Variants in PPP1R12B observed in about 807,000 individuals in gnomAD.
PPP1R12B encodes myosin phosphatase target subunit 2.
In PPP1R12B, 76 loss-of-function variants were observed where a neutral mutation model predicts 126.1. That is an observed-to-expected ratio of 0.60 (90% confidence interval 0.50 to 0.73). The LOEUF (loss-of-function observed/expected upper bound fraction) is 0.73. Ranked by LOEUF, PPP1R12B falls within the 30% of genes least tolerant of loss-of-function variation. The probability of loss-of-function intolerance (pLI) is 0.00; values close to 1 mark genes in which losing one functional copy is unlikely to be tolerated. For missense variants in PPP1R12B, 1,052 were observed against 1,205.1 expected (o/e 0.87, Z 1.88); for synonymous variants, 356 against 434.7 (o/e 0.82, Z 2.25).
chr1:202,588,508 TATG>T lies in PPP1R12B; in HGVS notation c.*7952_*7954del, dbSNP rs1180614867. 1 of 152,664 alleles carries T rather than the reference TATG, an allele frequency of 6.6e-6. No homozygotes were observed. Among genetic ancestry groups the T allele is most frequent in the East Asian group, 1.9e-4 (1 of 5,202 alleles). 9.5% of individuals were successfully genotyped at this position (152,664 alleles called of 1,614,324 possible). A position where few individuals can be genotyped will look rare whatever the true frequency, so the allele number is the denominator to read the frequency against. ...TTGGGAATAATAATATTCACTTCTA[TATG>T]ATGCCTGTAAACACAACAGTATTTA... is the stretch of plus-strand genomic sequence containing the variant. On this transcript the variant is annotated 3_prime_UTR_variant, in exon 24 of 24. Coordinates refer to ENST00000608999, the MANE Select transcript of PPP1R12B (RefSeq NM_002481.4).
At chr1:202,573,660 G>A (rs1328262290) in intron 23 of PPP1R12B, among the ~76,000 whole-genome samples, 1 of 152,186 alleles carries the variant, frequency 6.6e-6, no homozygotes, top group Non-Finnish European at 1.5e-5. Context: ...AGGAAGGACA[G>A]TAGCAGAGTC....
chr1:202,496,031 G>A (rs1419066706), intron 17 of PPP1R12B, among the ~76,000 whole-genome samples: 1 of 152,210 alleles, frequency 6.6e-6, no homozygotes, highest in Non-Finnish European at 1.5e-5. Flanking sequence ...ATGTCATGTA[G>A]TGAGTCAACA....
chr1:202,418,958 C>T (rs528754662), intron 2 of PPP1R12B, among the ~76,000 whole-genome samples: 132 of 152,020 alleles, frequency 8.7e-4, no homozygotes, highest in Non-Finnish European at 1.5e-3. Context: ...GCTCTTATTC[C>T]CAGAATCACT....
intron 12 of PPP1R12B, 78 bp from the exon 13 acceptor site, chr1:202,448,911 C>T: frequency 2.8e-6 from 4 of 1,446,676 alleles, no homozygotes; most frequent in Non-Finnish European, 3.8e-6. Flanking sequence ...CTCTTTAATC[C>T]TTCTGTCTCT....
chr1:202,412,367 G>A (rs1667506047), intron 1 of PPP1R12B, among the ~76,000 whole-genome samples: 1 of 152,190 alleles, frequency 6.6e-6, no homozygotes, highest in African/African-American at 2.4e-5. Context: ...GTAGTGATGA[G>A]GTGAAGGAGA....
At chr1:202,571,594 G>A (rs1388495658) in intron 23 of PPP1R12B, among the ~76,000 whole-genome samples, 1 of 152,202 alleles carries the variant, frequency 6.6e-6, no homozygotes, top group Non-Finnish European at 1.5e-5. Flanking sequence ...GCTGGGACTA[G>A]TAGTGTGTGC....
intron 11 of PPP1R12B, among the ~76,000 whole-genome samples, chr1:202,441,792 C>T (rs1558232726): frequency 2.0e-5 from 3 of 152,148 alleles, no homozygotes; most frequent in South Asian, 2.1e-4. Flanking sequence ...CATCTTCCCC[C>T]ATCATTTCCT....
chr1:202,516,178 G>A (rs1572357826), intron 18 of PPP1R12B, among the ~76,000 whole-genome samples: 10 of 152,172 alleles, frequency 6.6e-5, no homozygotes, highest in African/African-American at 1.9e-4. Context: ...AATCTTAGCC[G>A]CCATGATGAT....
At chr1:202,460,051 G>A (rs1674123505) in intron 13 of PPP1R12B, among the ~76,000 whole-genome samples, 1 of 152,176 alleles carries the variant, frequency 6.6e-6, no homozygotes, top group Non-Finnish European at 1.5e-5. Flanking sequence ...GTTTTCCTTA[G>A]CAACAAAATG....
intron 18 of PPP1R12B, among the ~76,000 whole-genome samples, chr1:202,512,267 C>G (rs1451963983): frequency 6.6e-6 from 1 of 152,184 alleles, no homozygotes; most frequent in African/African-American, 2.4e-5. Flanking sequence ...ACACATACCC[C>G]TTTATACCTA....
intron 10 of PPP1R12B, among the ~76,000 whole-genome samples, chr1:202,440,213 C>T (rs111596225): frequency 5.9e-4 from 90 of 152,058 alleles, no homozygotes; most frequent in African/African-American, 2.0e-3. Context: ...AATCACAGTC[C>T]TCTTGCTTTA....
At position 202,586,197 on chromosome 1, in the gene PPP1R12B, C is replaced by CA. The variant is rs1451687617; in HGVS notation, c.*5638dup. The CA allele has an allele frequency of 4.6e-5, 7 of 152,290 alleles. No homozygotes were observed. Among genetic ancestry groups the CA allele is most frequent in the Admixed American group, 4.6e-4 (7 of 15,284 alleles). 9.4% of individuals were successfully genotyped at this position (152,290 alleles called of 1,614,324 possible). On this transcript the variant is annotated 3_prime_UTR_variant, in exon 24 of 24. Transcript: ENST00000608999. Reference sequence around the variant, plus strand: ...GCAGTGTTTACAAACCCAGAGTCCACACAACCATATTGCATAGAACAGCAC... The same window carrying CA: ...GCAGTGTTTACAAACCCAGAGTCCACAACAACCATATTGCATAGAACAGCAC...
rs757445255 is a variant in PPP1R12B, at chr1:202,493,195, C to T, written c.2023C>T (p.Arg675Cys). The T allele has an allele frequency of 5.0e-6, 8 of 1,612,634 alleles. No homozygotes were observed. Among genetic ancestry groups the T allele is most frequent in the Middle Eastern group, 2.0e-4 (1 of 5,006 alleles). ...AGAGAGGCAAGCTCAGGAGCAGCCTCGTGAGAAGCCCACAGACACTGAAGG... is the reference window on the plus strand; with the variant it reads ...AGAGAGGCAAGCTCAGGAGCAGCCTTGTGAGAAGCCCACAGACACTGAAGG... ...RAERQAQEQP[R>C]EKPTDTEGLE... The change falls in exon 15 of 24, where the codon CGT becomes TGT. Residue 675 changes from arginine (R) to cysteine (C), a missense_variant. Physicochemically the swap from Arg to Cys is radical, Grantham distance 180. Transcript: ENST00000608999.
chr1:202,531,452 C>T (rs1683938855), intron 18 of PPP1R12B, among the ~76,000 whole-genome samples: 1 of 152,066 alleles, frequency 6.6e-6, no homozygotes, highest in Admixed American at 6.6e-5. Flanking sequence ...TTTGAAGACA[C>T]GAATCATGTC....
chr1:202,564,599 A>G, intron 21 of PPP1R12B, 52 bp downstream of exon 21: 1 of 1,435,436 alleles, frequency 7.0e-7, no homozygotes, highest in Non-Finnish European at 9.7e-7. Flanking sequence ...GATGTAAGGA[A>G]GCAAACTAGA....
intron 13 of PPP1R12B, among the ~76,000 whole-genome samples, chr1:202,479,466 G>T: frequency 6.6e-6 from 1 of 152,170 alleles, no homozygotes; most frequent in East Asian, 1.9e-4. Flanking sequence ...TCCCCTTGAG[G>T]TATTTGCTGA....
chr1:202,375,611 T>G (rs183426187), intron 1 of PPP1R12B, among the ~76,000 whole-genome samples: 1 of 152,242 alleles, frequency 6.6e-6, no homozygotes, highest in Non-Finnish European at 1.5e-5. Flanking sequence ...GTTCTCACTA[T>G]GTTGTGCAGT....
intron 18 of PPP1R12B, among the ~76,000 whole-genome samples, chr1:202,534,386 G>A (rs916723518): frequency 3.9e-5 from 6 of 152,154 alleles, no homozygotes; most frequent in African/African-American, 1.4e-4. Flanking sequence ...CACTAGGTAC[G>A]CTAAATGCTG....
intron 9 of PPP1R12B, among the ~76,000 whole-genome samples, chr1:202,436,698 A>G (rs1255552405): frequency 6.6e-6 from 1 of 152,226 alleles, no homozygotes; most frequent in Non-Finnish European, 1.5e-5. Flanking sequence ...TAAGCTTTCC[A>G]TAAAGCTTTC....
Sources: allele counts gnomAD v4.1 joint callset (sites outside exome capture counted in the v4.1 genomes callset), GRCh38; gene constraint gnomAD v4.1.1; transcripts MANE v1.5; gene names NCBI Gene and HGNC (gene_info 2026-07-23, HGNC 2026-07-21).